The following MYO10 variants were observed in gnomAD, a reference collection of about 807,000 sequenced individuals.
The protein encoded by MYO10 is unconventional myosin-X.
A neutral mutation model predicts 257.3 loss-of-function variants in MYO10; 133 were observed. The ratio of observed to expected loss-of-function variants is 0.52; its 90% confidence interval spans 0.45 to 0.60. MYO10 has a LOEUF of 0.60. Ranked by LOEUF, MYO10 falls within the 20% of genes least tolerant of loss-of-function variation. MYO10 has a pLI of 0.00. For synonymous variants in MYO10, 1,104 were observed against 1,028.6 expected, an observed-to-expected ratio of 1.07 and a Z score of -1.40; for missense variants, 2,399 against 2,635.7, an observed-to-expected ratio of 0.91 and a Z score of 1.97.
intron 29 of MYO10, 131 bp downstream of exon 29, chr5:16,685,607 A>T (rs1737215083): frequency 3.0e-6 from 2 of 665,166 alleles, no homozygotes; most frequent in East Asian, 2.7e-5. Flanking sequence ...TTTCTCCTTA[A>T]TTATTCTATA....
rs1736910504 is a variant in MYO10 at position 16,679,965 on chromosome 5, C to T, written c.4524G>A (p.Gln1508=). 6.2e-7 allele frequency: 1 copy of T among 1,613,706 alleles called. No individual in the cohort carries two copies. Among genetic ancestry groups the T allele is most frequent in the Non-Finnish European group, 8.5e-7 (1 of 1,179,830 alleles). Residue 1508 remains glutamine (Q), a synonymous_variant, in exon 33 of 41, where the codon CAG becomes CAA. Coordinates refer to ENST00000513610, the MANE Select transcript of MYO10 (RefSeq NM_012334.3). ...GGCTTACCTTGATATCTTGAATCAGCTGCTGGGTGGGGGTGTCGATCGGGG... is the reference window on the plus strand; with the variant it reads ...GGCTTACCTTGATATCTTGAATCAGTTGCTGGGTGGGGGTGTCGATCGGGG... The part of the protein sequence containing the change: ...TKAPIDTPTQ[Q]LIQDIKENCL...
chr5:16,837,077 G>A (rs549990417), intron 2 of MYO10, among the ~76,000 whole-genome samples: 6 of 152,230 alleles, frequency 3.9e-5, no homozygotes, highest in South Asian at 2.1e-4. Flanking sequence ...TTGGGAGGCC[G>A]AGGCGGGCAG....
intron 1 of MYO10, among the ~76,000 whole-genome samples, chr5:16,894,964 A>G (rs756611038): frequency 1.3e-5 from 2 of 151,352 alleles, no homozygotes; most frequent in Middle Eastern, 6.9e-3. Flanking sequence ...TAAACTATTA[A>G]CAGCTCTACA....
intron 19 of MYO10, among the ~76,000 whole-genome samples, chr5:16,712,450 T>A (rs1389411791): frequency 6.6e-6 from 1 of 152,228 alleles, no homozygotes; most frequent in East Asian, 1.9e-4. Context: ...CCCACCCGTG[T>A]TCCCTTTAAT....
intron 2 of MYO10, among the ~76,000 whole-genome samples, chr5:16,856,803 A>G (rs926344037): frequency 6.6e-6 from 1 of 152,106 alleles, no homozygotes; most frequent in Non-Finnish European, 1.5e-5. Flanking sequence ...GGTTCTTAAA[A>G]GTTTCCACCC....
intron 1 of MYO10, among the ~76,000 whole-genome samples, chr5:16,915,855 G>A (rs1745800480): frequency 6.6e-6 from 1 of 151,998 alleles, no homozygotes; most frequent in Non-Finnish European, 1.5e-5. Context: ...TACTCAGGAG[G>A]CTGAGGCACG....
intron 2 of MYO10, among the ~76,000 whole-genome samples, chr5:16,859,083 G>A (rs1744041866): frequency 6.6e-6 from 1 of 152,192 alleles, no homozygotes; most frequent in Admixed American, 6.5e-5. Context: ...GCCCACAGTG[G>A]GGTCTTTTAA....
intron 3 of MYO10, among the ~76,000 whole-genome samples, chr5:16,797,202 C>CG (rs1348466020): frequency 6.6e-6 from 1 of 152,108 alleles, no homozygotes; most frequent in Non-Finnish European, 1.5e-5. Flanking sequence ...AAATCTGAAG[C>CG]TTTTTGAGCA....
chr5:16,763,723 A>C lies in MYO10; in HGVS notation c.1359T>G (p.Tyr453Ter). The change falls in exon 13 of 41, where the codon TAT (tyrosine) becomes TAG (stop). Residue 453 changes from tyrosine (Y) to a stop codon, truncating the protein, a stop_gained. Coordinates refer to ENST00000513610, the MANE Select transcript of MYO10 (RefSeq NM_012334.3). LOFTEE classifies it high-confidence loss of function. Reference sequence around the variant, plus strand: ...AGTACTCCTGAAGTTTCTCGTTTGCATAGTTTATATTGAACTGTTCAAAGT... The same window carrying C: ...AGTACTCCTGAAGTTTCTCGTTTGCCTAGTTTATATTGAACTGTTCAAAGT... Reference protein sequence around the residue: ...VNHFEQFNINYANEKLQEYFN... With the variant: ...VNHFEQFNIN 6.2e-7 allele frequency: 1 copy of C among 1,607,830 alleles called. No individual in the cohort carries two copies. The highest frequency in any genetic ancestry group is 8.5e-7 in the Non-Finnish European group (1 of 1,175,080).
At chr5:16,732,861 C>G (rs553398193) in intron 19 of MYO10, among the ~76,000 whole-genome samples, 1 of 152,108 alleles carries the variant, frequency 6.6e-6, no homozygotes, top group Non-Finnish European at 1.5e-5. Context: ...GAGCTGAGCG[C>G]GGTGGCTCAT....
In MYO10 at chr5:16,820,787, C is replaced by A. The variant is rs141074674; in HGVS notation, c.121-2620G>T. Among the ~76,000 whole-genome samples, 1,024 of 151,800 alleles carry A rather than the reference C, an allele frequency of 6.7e-3. 11 individuals are homozygous for A. The highest frequency in any genetic ancestry group is 0.023 in the African/African-American group (934 of 41,440). On this transcript the variant is annotated intron_variant, in intron 2 of 40. Transcript: ENST00000513610. ...ATCATACATAATACTTAAGACACTA[C>A]AAAACACAGACACTAATTATATTTT...
At chr5:16,925,121 G>A (rs1465020532) in intron 1 of MYO10, among the ~76,000 whole-genome samples, 2 of 152,126 alleles carry the variant, frequency 1.3e-5, no homozygotes, top group Admixed American at 6.5e-5. Flanking sequence ...ATGAGCCACT[G>A]CACCCGGCCT....
rs1736011421 is a variant in MYO10 at position 16,662,306 on chromosome 5, T to C, written c.*4386A>G. 1 of 142,242 alleles carries C rather than the reference T, an allele frequency of 7.0e-6. No homozygotes were observed. The highest frequency in any genetic ancestry group is 7.7e-5 in the Admixed American group (1 of 13,002). 8.8% of individuals were successfully genotyped at this position (142,242 alleles called of 1,614,324 possible). The stretch of plus-strand genomic sequence containing the variant: ...TAACTAAAAAAAGTGCTGTCTTAGA[T>C]TTCTGAACTATTTTTTTTTTTTTTT... On this transcript the variant is annotated 3_prime_UTR_variant, in exon 41 of 41. Transcript: ENST00000513610.
chr5:16,691,769 C>T (rs561285519), intron 27 of MYO10, among the ~76,000 whole-genome samples: 1 of 151,990 alleles, frequency 6.6e-6, no homozygotes, highest in African/African-American at 2.4e-5. Context: ...TACTCTAAGC[C>T]TTCTTAACAG....
chr5:16,792,501 T>C (rs761686681), intron 4 of MYO10, among the ~76,000 whole-genome samples: 6 of 152,208 alleles, frequency 3.9e-5, no homozygotes, highest in Admixed American at 1.3e-4. Context: ...ACATTCTCCA[T>C]CCATTTCCCT....
chr5:16,792,586 G>A (rs908907748), intron 4 of MYO10, among the ~76,000 whole-genome samples: 3 of 71,426 alleles, frequency 4.2e-5, no homozygotes, highest in African/African-American at 1.3e-4. Context: ...ACAGGAGCGG[G>A]GGGCGGGGGG....
At chr5:16,702,387 T>G (rs1738121565) in intron 24 of MYO10, among the ~76,000 whole-genome samples, 156 bp downstream of exon 24, 1 of 152,248 alleles carries the variant, frequency 6.6e-6, no homozygotes, top group Non-Finnish European at 1.5e-5. Flanking sequence ...TTTACCCAAT[T>G]GTAATAGGTC....
chr5:16,716,749 A>T lies in MYO10; in HGVS notation c.1930-5504T>A, dbSNP rs536321945. ...ACACAGGAGCCATGGGTTTTTCCAG[A>T]GCCGGCCAAGATTTTAGGGAAAAGC... On this transcript the variant is annotated intron_variant, in intron 19 of 40. Coordinates refer to ENST00000513610, the MANE Select transcript of MYO10 (RefSeq NM_012334.3). Among the ~76,000 whole-genome samples, 70 of 152,026 alleles carry T rather than the reference A, an allele frequency of 4.6e-4. 1 individual carries two copies. Among genetic ancestry groups the T allele is most frequent in the Non-Finnish European group, 9.0e-4 (61 of 68,018 alleles).
intron 2 of MYO10, among the ~76,000 whole-genome samples, chr5:16,871,441 C>T (rs527548752): frequency 1.3e-5 from 2 of 152,174 alleles, no homozygotes; most frequent in East Asian, 3.9e-4. Context: ...ATGGCAAAAC[C>T]CCATCTCTAC....
Sources: gnomAD v4.1 joint callset for allele counts (sites outside exome capture counted in the v4.1 genomes callset) on GRCh38, gnomAD v4.1.1 for gene constraint, MANE v1.5 for transcripts, NCBI Gene and HGNC (gene_info 2026-07-23, HGNC 2026-07-21) for gene names.